Variants in NRK observed in about 807,000 individuals in gnomAD.
NRK encodes the protein Nik related kinase.
Under a neutral mutation model 125.2 loss-of-function variants are expected in NRK, and 67 were observed. The observed-to-expected ratio is 0.54, with a 90% CI of 0.44 to 0.66. NRK has a LOEUF of 0.66. NRK is among the 30% of genes least tolerant of loss of function. The pLI is 0.00. For missense variants in NRK, 1,224 were observed against 1,192.9 expected (o/e 1.03, Z -0.38); for synonymous variants, 458 against 429.0 (o/e 1.07, Z -0.84).
At chrX:105,944,398 C>T (rs2040786048) in intron 24 of NRK, among the ~76,000 whole-genome samples, 1 of 111,485 alleles carries the variant, frequency 9.0e-6, no homozygotes, top group Admixed American at 9.5e-5. Flanking sequence ...ACTAATGTAA[C>T]TTGAATATAC....
Position 105,945,988 on chromosome X carries a change from T to C in NRK, c.4176T>C (p.Asp1392=). The C allele has an allele frequency of 8.3e-7, 1 of 1,210,479 alleles. No individual in the cohort carries two copies. The highest frequency in any genetic ancestry group is 1.1e-6 in the Non-Finnish European group (1 of 894,675). ...ADPVNRFKRP[D]ELLHLLKLKV... is the part of the protein sequence containing the mutation. ...CAGTGAACCGGTTTAAGAGACCAGA[T>C]GAGCTCCTTCATTTGCTGAAGCTCA... The change falls in exon 25 of 29, where the codon GAT becomes GAC. Residue 1392 remains aspartate, a synonymous_variant. Coordinates refer to ENST00000243300, the MANE Select transcript of NRK (RefSeq NM_198465.4).
chrX:105,907,968 T>G, intron 11 of NRK: 1 of 186,507 alleles, frequency 5.4e-6, no homozygotes, highest in Non-Finnish European at 9.9e-6. Flanking sequence ...CCATTCTCTC[T>G]TCTTCCTCTT....
intron 2 of NRK, among the ~76,000 whole-genome samples, chrX:105,841,311 A>G (rs2039329793): frequency 1.8e-5 from 2 of 111,909 alleles, no homozygotes; most frequent in African/African-American, 6.5e-5. Context: ...AGAATATAAA[A>G]AGACATAAAC....
intron 2 of NRK, among the ~76,000 whole-genome samples, chrX:105,862,302 A>G (rs951325468): frequency 9.0e-6 from 1 of 111,440 alleles, no homozygotes; most frequent in African/African-American, 3.3e-5. Context: ...TTAACTGTGA[A>G]CTAGATTACT....
intron 2 of NRK, among the ~76,000 whole-genome samples, chrX:105,857,816 A>G (rs2039550339): frequency 9.0e-6 from 1 of 111,591 alleles, no homozygotes; most frequent in Non-Finnish European, 1.9e-5. Context: ...GTTAAAACTA[A>G]CTCTGCAAAA....
At chrX:105,924,634 C>G in intron 18 of NRK, 61 bp from the exon 19 acceptor site, 2 of 975,379 alleles carry the variant, frequency 2.1e-6, no homozygotes, top group Non-Finnish European at 2.8e-6. Flanking sequence ...GTTGTACTTG[C>G]TAACTTTCAA....
Position 105,937,471 on chromosome X carries a change from C to A in NRK, c.3688C>A (p.Leu1230Ile). 1 of 1,192,816 alleles carries A rather than the reference C, an allele frequency of 8.4e-7. No homozygotes were observed. Among genetic ancestry groups the A allele is most frequent in the Non-Finnish European group, 1.1e-6 (1 of 880,984 alleles). ...VNLLLGTRSNLYLMDRSGKAD... is the reference protein window; with the variant it reads ...VNLLLGTRSNIYLMDRSGKAD... ...TTTGCTGTTGGGAACCCGATCTAAT[C>A]TATATCTGATGGACAGAAGTGGAAA... The change falls in exon 22 of 29, where the codon CTA becomes ATA. Residue 1230 changes from leucine (L) to isoleucine (I), a missense_variant. Transcript: ENST00000243300.
At position 105,923,152 on chromosome X, in the gene NRK, C is replaced by T; in HGVS notation, c.2645C>T (p.Pro882Leu). 8.3e-7 allele frequency: 1 copy of T among 1,201,569 alleles called. No homozygotes were observed. The highest frequency in any genetic ancestry group is 1.8e-5 in the South Asian group (1 of 56,496). ...GGATTTAAAGTAGGAAAAATATCAC[C>T]CCCTGTATACTTGACAAACGAATGG... ...PDGFKVGKISPPVYLTNEWVG... is the reference protein window; with the variant it reads ...PDGFKVGKISLPVYLTNEWVG... Residue 882 changes from proline (P) to leucine (L), a missense_variant, in exon 18 of 29, where the codon CCC becomes CTC. Transcript: ENST00000243300.
chrX:105,823,004 C>G, intron 1 of NRK, 102 bp downstream of exon 1: 1 of 754,003 alleles, frequency 1.3e-6, no homozygotes, highest in Non-Finnish European at 1.9e-6. Flanking sequence ...TAGACCAGGA[C>G]TTCGACGGGT....
chrX:105,896,560 C>T (rs1337790003), intron 7 of NRK, among the ~76,000 whole-genome samples: 1 of 111,537 alleles, frequency 9.0e-6, no homozygotes, highest in Non-Finnish European at 1.9e-5. Context: ...TAAGGAGAGG[C>T]CAGGTGCAGT....
intron 2 of NRK, among the ~76,000 whole-genome samples, chrX:105,868,266 A>G (rs1447003605): frequency 1.8e-5 from 2 of 110,770 alleles, no homozygotes; most frequent in African/African-American, 6.6e-5. Flanking sequence ...GCAGAAAAAA[A>G]TGGTGAAACT....
intron 4 of NRK, among the ~76,000 whole-genome samples, chrX:105,883,978 A>G (rs912123292): frequency 8.9e-6 from 1 of 112,784 alleles, no homozygotes; most frequent in African/African-American, 3.2e-5. Context: ...ATCTTACATG[A>G]CAAGAATTAA....
intron 14 of NRK, among the ~76,000 whole-genome samples, chrX:105,914,683 G>T (rs2040343237): frequency 9.2e-6 from 1 of 108,600 alleles, no homozygotes; most frequent in African/African-American, 3.3e-5. Flanking sequence ...AAAAAAATAG[G>T]CAGATACTTA....
intron 22 of NRK, among the ~76,000 whole-genome samples, chrX:105,938,111 C>T: frequency 9.0e-6 from 1 of 111,539 alleles, no homozygotes; most frequent in East Asian, 2.8e-4. Context: ...GAGCCTGAAA[C>T]TTAGAATACA....
intron 2 of NRK, among the ~76,000 whole-genome samples, chrX:105,847,955 C>G (rs1195227427): frequency 8.9e-6 from 1 of 112,048 alleles, no homozygotes; most frequent in Admixed American, 9.5e-5. Context: ...CAATGTATCT[C>G]TTATCATCCT....
chrX:105,836,853 T>C (rs2039272381), intron 2 of NRK, among the ~76,000 whole-genome samples: 1 of 111,927 alleles, frequency 8.9e-6, no homozygotes, highest in Non-Finnish European at 1.9e-5. Context: ...CCTTGGGAGG[T>C]GCTATAAAAT....
At chrX:105,945,838 G>C (rs775397607) in intron 24 of NRK, 34 bp from the exon 25 acceptor site, 6 of 1,188,248 alleles carry the variant, frequency 5.0e-6, no homozygotes, top group Non-Finnish European at 6.8e-6. Context: ...TATATGGTAG[G>C]TTAACATGTC....
intron 2 of NRK, among the ~76,000 whole-genome samples, chrX:105,849,293 C>T (rs76978602): frequency 2.4e-4 from 27 of 111,389 alleles, no homozygotes; most frequent in Non-Finnish European, 4.1e-4. Context: ...TGGGAAAGAC[C>T]GGCCCCCATG....
intron 9 of NRK, among the ~76,000 whole-genome samples, chrX:105,904,293 C>G (rs1468672540): frequency 9.0e-6 from 1 of 111,603 alleles, no homozygotes; most frequent in African/African-American, 3.3e-5. Context: ...TATTTAAACA[C>G]TTATAGAAAA....
Sources: gnomAD v4.1 joint callset for allele counts (sites outside exome capture counted in the v4.1 genomes callset) on GRCh38, gnomAD v4.1.1 for gene constraint, MANE v1.5 for transcripts, NCBI Gene and HGNC (gene_info 2026-07-23, HGNC 2026-07-21) for gene names.